Variants in ENTHD1 observed in about 807,000 individuals in gnomAD.
The protein encoded by ENTHD1 is ENTH domain-containing protein 1.
In ENTHD1, 23 loss-of-function variants were observed where a neutral mutation model predicts 39.1. That is an observed-to-expected ratio of 0.59 (90% confidence interval 0.42 to 0.83). ENTHD1 has a LOEUF of 0.83. Ranked by LOEUF, ENTHD1 falls within the 40% of genes least tolerant of loss-of-function variation. The pLI, the probability that ENTHD1 is intolerant of heterozygous loss-of-function variation, is 0.00. For missense variants in ENTHD1, 624 were observed against 705.4 expected (o/e 0.88, Z 1.31); for synonymous variants, 230 against 258.2 (o/e 0.89, Z 1.05).
chr22:39,784,907 C>T (rs2065442196), intron 5 of ENTHD1, among the ~76,000 whole-genome samples: 1 of 152,050 alleles, frequency 6.6e-6, no homozygotes, highest in African/African-American at 2.4e-5. Flanking sequence ...TTGTATATTT[C>T]AAAACGGCTA....
chr22:39,777,400 G>A (rs184171474), intron 5 of ENTHD1, among the ~76,000 whole-genome samples: 2 of 151,322 alleles, frequency 1.3e-5, no homozygotes, highest in Non-Finnish European at 3.0e-5. Context: ...GATTGTGTGC[G>A]TGTGTGTGTG....
At chr22:39,786,358 T>G (rs2065458304) in intron 5 of ENTHD1, among the ~76,000 whole-genome samples, 2 of 152,226 alleles carry the variant, frequency 1.3e-5, no homozygotes, top group African/African-American at 2.4e-5. Context: ...TACCACCTCA[T>G]ATACTTATCA....
chr22:39,793,051 T>C (rs1172921328), intron 5 of ENTHD1, among the ~76,000 whole-genome samples: 1 of 152,178 alleles, frequency 6.6e-6, no homozygotes, highest in Admixed American at 6.5e-5. Flanking sequence ...TTTCCACCAA[T>C]AGTATATGAG....
At chr22:39,760,642 TTTAGGTCTTCTA>T (rs1486456617) in intron 6 of ENTHD1, among the ~76,000 whole-genome samples, 2 of 152,046 alleles carry the variant, frequency 1.3e-5, no homozygotes, top group African/African-American at 4.8e-5. Context: ...AATGCTTGGA[TTTAGGTCTTCTA>T]TTTTGCTATC....
At chr22:39,749,587 C>T (rs1172155054) in intron 6 of ENTHD1, among the ~76,000 whole-genome samples, 2 of 152,208 alleles carry the variant, frequency 1.3e-5, no homozygotes, top group African/African-American at 4.8e-5. Flanking sequence ...GGTCTTTGGT[C>T]AACTAAACAC....
At chr22:39,773,370 G>T (rs950547750) in intron 5 of ENTHD1, among the ~76,000 whole-genome samples, 26 of 152,124 alleles carry the variant, frequency 1.7e-4, no homozygotes, top group Admixed American at 1.0e-3. Context: ...TCACTGAGAT[G>T]GTCCATGTGC....
chr22:39,888,123 A>G (rs2066397256), intron 1 of ENTHD1, among the ~76,000 whole-genome samples: 1 of 152,160 alleles, frequency 6.6e-6, no homozygotes, highest in Admixed American at 6.5e-5. Context: ...CTTTCTAGTC[A>G]TAAAAGTTCC....
At chr22:39,788,741 A>AT (rs1213516063) in intron 5 of ENTHD1, among the ~76,000 whole-genome samples, 1 of 151,744 alleles carries the variant, frequency 6.6e-6, no homozygotes, top group African/African-American at 2.4e-5. Flanking sequence ...TCATCATCTC[A>AT]TTTTTTTTAA....
chr22:39,840,232 T>C (rs1290766837), intron 3 of ENTHD1, among the ~76,000 whole-genome samples: 1 of 152,182 alleles, frequency 6.6e-6, no homozygotes, highest in Admixed American at 6.5e-5. Context: ...GAGGAAAAAG[T>C]AATGATGCTG....
chr22:39,832,001 C>G (rs1016923837), intron 4 of ENTHD1, among the ~76,000 whole-genome samples: 2 of 152,006 alleles, frequency 1.3e-5, no homozygotes, highest in Non-Finnish European at 2.9e-5. Context: ...GAGAGGTTCT[C>G]TAAATGAAAA....
chr22:39,763,634 C>T (rs559072072), intron 6 of ENTHD1, among the ~76,000 whole-genome samples: 42 of 152,232 alleles, frequency 2.8e-4, no homozygotes, highest in Admixed American at 9.8e-4. Flanking sequence ...GTATTTTCTA[C>T]TTGGTTGTTT....
Position 39,748,647 on chromosome 22 carries a change from T to C in ENTHD1, c.1220-4364A>G, listed in dbSNP as rs546618469. ...ACTGTGTTAACCAGGATGGTCTCAA[T>C]CTCCTGACCTCGTGATCTGCCTGCC... is the stretch of plus-strand genomic sequence containing the variant. On this transcript the variant is annotated intron_variant, in intron 6 of 6. Coordinates refer to ENST00000325157, the MANE Select transcript of ENTHD1 (RefSeq NM_152512.4). Among the ~76,000 whole-genome samples the C allele has an allele frequency of 5.9e-5, 9 of 152,050 alleles. No homozygotes were observed. The East Asian group carries it at 1.7e-3, about 29-fold the overall frequency.
At chr22:39,830,323 C>T (rs1033133160) in intron 4 of ENTHD1, among the ~76,000 whole-genome samples, 5 of 152,146 alleles carry the variant, frequency 3.3e-5, no homozygotes, top group Admixed American at 1.3e-4. Flanking sequence ...GATCCGTCCA[C>T]CTCGGCCTCC....
rs1284115206 is a variant in ENTHD1, at chr22:39,765,335, G to C, written c.1107C>G (p.Pro369=). 11 of 1,613,744 alleles carry C rather than the reference G, an allele frequency of 6.8e-6. No individual in the cohort carries two copies. The highest frequency in any genetic ancestry group is 9.3e-6 in the Non-Finnish European group (11 of 1,179,936). The change falls in exon 6 of 7, where the codon CCC becomes CCG. Residue 369 remains proline, a synonymous_variant. Coordinates refer to ENST00000325157, the MANE Select transcript of ENTHD1 (RefSeq NM_152512.4). ...QASVETLCLS[P]SFKIFDRVKE... is the part of the protein sequence containing the mutation. ...TCACTCGGTCAAATATTTTGAATGA[G>C]GGAGAGAGACAGAGTGTTTCTACAG...
chr22:39,878,231 T>A (rs1038302189), intron 2 of ENTHD1, among the ~76,000 whole-genome samples: 6 of 152,098 alleles, frequency 3.9e-5, no homozygotes, highest in African/African-American at 1.4e-4. Flanking sequence ...CTGGAGGACA[T>A]CTCAATAGAA....
chr22:39,838,662 TATTC>T (rs1243762475), intron 3 of ENTHD1, among the ~76,000 whole-genome samples: 1 of 152,134 alleles, frequency 6.6e-6, no homozygotes, highest in African/African-American at 2.4e-5. Context: ...ATTTAACAAA[TATTC>T]ATACAAATTT....
chr22:39,795,026 A>G (rs1250143533), intron 5 of ENTHD1, among the ~76,000 whole-genome samples: 3 of 152,172 alleles, frequency 2.0e-5, no homozygotes, highest in East Asian at 3.8e-4. Flanking sequence ...AGATAATAAT[A>G]TGGCATTTGT....
chr22:39,807,312 C>T (rs1439015208), intron 5 of ENTHD1, among the ~76,000 whole-genome samples: 1 of 152,174 alleles, frequency 6.6e-6, no homozygotes, highest in Non-Finnish European at 1.5e-5. Flanking sequence ...CTCAACATGG[C>T]TTATCCTACG....
chr22:39,880,033 G>A (rs2066325206), intron 2 of ENTHD1, among the ~76,000 whole-genome samples: 1 of 152,160 alleles, frequency 6.6e-6, no homozygotes, highest in Non-Finnish European at 1.5e-5. Flanking sequence ...TTCAAGACCA[G>A]CCTGGGCAAT....
Sources: gnomAD v4.1 joint callset for allele counts (sites outside exome capture counted in the v4.1 genomes callset) on GRCh38, gnomAD v4.1.1 for gene constraint, MANE v1.5 for transcripts, NCBI Gene and HGNC (gene_info 2026-07-23, HGNC 2026-07-21) for gene names.